Variants in VPS37A observed in about 807,000 individuals in gnomAD.
VPS37A encodes the protein VPS37A subunit of ESCRT-I, also known as vacuolar protein sorting-associated protein 37A.
In VPS37A, 30 loss-of-function variants were observed where a neutral mutation model predicts 49.8. The ratio of observed to expected loss-of-function variants is 0.60; its 90% confidence interval spans 0.45 to 0.82. The LOEUF is 0.82. Ranked by LOEUF, VPS37A falls within the 40% of genes least tolerant of loss-of-function variation. VPS37A has a pLI of 0.00. For synonymous variants in VPS37A, 195 were observed against 160.6 expected, an observed-to-expected ratio of 1.21 and a Z score of -1.62; for missense variants, 593 against 464.4, an observed-to-expected ratio of 1.28 and a Z score of -2.55.
intron 1 of VPS37A, among the ~76,000 whole-genome samples, chr8:17,263,839 G>T (rs1237172209): frequency 1.3e-5 from 2 of 152,082 alleles, no homozygotes; most frequent in Non-Finnish European, 2.9e-5. Context: ...TACTCATGAG[G>T]CTGAGGCAAG....
the VPS37A span, among the ~76,000 whole-genome samples, chr8:17,318,140 A>G: frequency 2.0e-4 from 30 of 152,176 alleles, no homozygotes; most frequent in Non-Finnish European, 4.0e-4. Context: ...TGAGGAAAAC[A>G]AAAATCTCTC....
chr8:17,268,520 A>G, intron 3 of VPS37A, 148 bp downstream of exon 3: 1 of 617,670 alleles, frequency 1.6e-6, no homozygotes. Flanking sequence ...TACGCCTTAA[A>G]GTTCTTACAA....
intron 1 of VPS37A, among the ~76,000 whole-genome samples, chr8:17,264,172 A>G (rs1325243198): frequency 6.6e-6 from 1 of 152,154 alleles, no homozygotes; most frequent in East Asian, 1.9e-4. Flanking sequence ...TACCCATGAC[A>G]GTAAATAAAT....
intron 1 of VPS37A, among the ~76,000 whole-genome samples, chr8:17,249,269 G>A (rs899663566): frequency 3.9e-5 from 6 of 152,210 alleles, no homozygotes; most frequent in African/African-American, 1.4e-4. Context: ...AGATTCTATA[G>A]CAGCAATTGT....
chr8:17,268,192 AT>A (rs1813645124), intron 2 of VPS37A, 65 bp from the exon 3 acceptor site: 1 of 1,126,590 alleles, frequency 8.9e-7, no homozygotes, highest in Admixed American at 2.1e-5. Context: ...TTGTTTTAAG[AT>A]TTTGACCATA....
chr8:17,262,802 C>T (rs1813079422), intron 1 of VPS37A, among the ~76,000 whole-genome samples: 1 of 152,058 alleles, frequency 6.6e-6, no homozygotes, highest in African/African-American at 2.4e-5. Flanking sequence ...GTGACTCACG[C>T]CTGTAATCCT....
the VPS37A span, among the ~76,000 whole-genome samples, chr8:17,318,044 TC>T: frequency 2.0e-5 from 3 of 151,998 alleles, no homozygotes; most frequent in Non-Finnish European, 4.4e-5. Flanking sequence ...GAACTGAGAC[TC>T]CCTACATCAA....
rs927364317 is a variant in VPS37A at position 17,272,124 on chromosome 8, A to G, written c.417-2609A>G. On this transcript the variant is annotated intron_variant, in intron 4 of 11. Coordinates refer to ENST00000324849, the MANE Select transcript of VPS37A (RefSeq NM_152415.3). ...AGTATTGGTAAACTTTCCACTAATA[A>G]AAAGTTCTCCTTCCGGTGACCATCT... 7 of 455,814 alleles carry G rather than the reference A, an allele frequency of 1.5e-5. 1 individual carries two copies. The highest frequency in any genetic ancestry group is 3.1e-5 in the Non-Finnish European group (7 of 226,688). The allele number at this position is 455,814 out of a possible 1,614,324, so 28.2% of individuals were successfully genotyped here.
At chr8:17,292,973 G>T (rs1455254856) in intron 11 of VPS37A, among the ~76,000 whole-genome samples, 3 of 152,040 alleles carry the variant, frequency 2.0e-5, no homozygotes. Context: ...GGTATTCTCT[G>T]TATTTTCTGA....
At chr8:17,308,641 G>A in the VPS37A span, among the ~76,000 whole-genome samples, 1 of 152,274 alleles carries the variant, frequency 6.6e-6, no homozygotes, top group African/African-American at 2.4e-5. Context: ...GATTCAAAGA[G>A]TAGAGAACAC....
chr8:17,327,738 T>G, the VPS37A span, among the ~76,000 whole-genome samples: 1 of 135,912 alleles, frequency 7.4e-6, no homozygotes, highest in East Asian at 1.9e-4. Flanking sequence ...TACCACATTC[T>G]TTTGAGTATT....
At chr8:17,287,053 C>T (rs1035896215) in intron 11 of VPS37A, among the ~76,000 whole-genome samples, 3 of 152,176 alleles carry the variant, frequency 2.0e-5, no homozygotes, top group African/African-American at 4.8e-5. Context: ...TTTCCCCTTA[C>T]ATTGCGTTGT....
At chr8:17,267,051 G>T (rs962197016) in intron 2 of VPS37A, among the ~76,000 whole-genome samples, 2 of 152,144 alleles carry the variant, frequency 1.3e-5, no homozygotes. Context: ...AATTACAGGC[G>T]TATGTGAGCT....
intron 4 of VPS37A, among the ~76,000 whole-genome samples, chr8:17,269,872 G>T (rs188478889): frequency 2.0e-5 from 3 of 152,222 alleles, no homozygotes; most frequent in African/African-American, 7.2e-5. Flanking sequence ...TGCTATAAAG[G>T]AATACCTGAG....
chr8:17,302,252 C>G (rs778696608), downstream of VPS37A: 1 of 1,613,996 alleles, frequency 6.2e-7, no homozygotes, highest in Non-Finnish European at 8.5e-7. Flanking sequence ...ATCCCCTTTT[C>G]AAAGCGGTTA....
chr8:17,267,988 A>T (rs1349134365), intron 2 of VPS37A, among the ~76,000 whole-genome samples: 2 of 152,244 alleles, frequency 1.3e-5, no homozygotes, highest in Non-Finnish European at 2.9e-5. Flanking sequence ...GTTTGAAAGC[A>T]ACTAATTGGC....
Position 17,247,360 on chromosome 8 carries a change from C to T in VPS37A, c.116C>T (p.Ser39Leu). The change falls in exon 1 of 12, where the codon TCA becomes TTA. Residue 39 changes from serine to leucine, a missense_variant. Transcript: ENST00000324849. ...CGCCTGATCGAGTCCCTCCGGAACTCACACTCCAGGTGACTGGTCGCTGCC... is the reference window on the plus strand; with the variant it reads ...CGCCTGATCGAGTCCCTCCGGAACTTACACTCCAGGTGACTGGTCGCTGCC... Reference protein sequence around the residue: ...KQRLIESLRNSHSSIAEIQKD... With the variant: ...KQRLIESLRNLHSSIAEIQKD... The T allele has an allele frequency of 6.5e-7, 1 of 1,532,972 alleles. No individual in the cohort carries two copies. The highest frequency in any genetic ancestry group is 1.4e-5 in the African/African-American group (1 of 72,004). The allele number at this position is 1,532,972 out of a possible 1,614,324, so 95.0% of individuals were successfully genotyped here.
the VPS37A span, chr8:17,311,445 G>T: frequency 6.2e-7 from 1 of 1,602,304 alleles, no homozygotes; most frequent in Non-Finnish European, 8.5e-7. Context: ...GCCAGTAGTT[G>T]TAAAAACAGG....
intron 1 of VPS37A, among the ~76,000 whole-genome samples, chr8:17,252,231 G>A (rs750687540): frequency 1.3e-5 from 2 of 152,178 alleles, no homozygotes; most frequent in African/African-American, 4.8e-5. Context: ...AGAGTGCAGT[G>A]GCACGATCAC....
Sources: allele counts gnomAD v4.1 joint callset (sites outside exome capture counted in the v4.1 genomes callset), GRCh38; gene constraint gnomAD v4.1.1; transcripts MANE v1.5; gene names NCBI Gene and HGNC (gene_info 2026-07-23, HGNC 2026-07-21).